Variants in TPP2 observed in about 807,000 individuals in gnomAD.
The protein encoded by TPP2 is tripeptidyl peptidase 2, also known as tripeptidyl-peptidase 2.
TPP2 carries 34 observed loss-of-function variants against 155.9 expected under a neutral mutation model. That is an observed-to-expected ratio of 0.22 (90% CI 0.17 to 0.29). The LOEUF (loss-of-function observed/expected upper bound fraction) is 0.29. Among genes scored for constraint, TPP2 ranks in the 10% least tolerant of loss-of-function variants. The probability of loss-of-function intolerance (pLI) is 1.00; values close to 1 mark genes in which losing one functional copy is unlikely to be tolerated. For synonymous variants in TPP2, 510 were observed against 529.4 expected (o/e 0.96, Z 0.50); for missense variants, 1,028 against 1,522.3 (o/e 0.68, Z 5.40).
intron 27 of TPP2, among the ~76,000 whole-genome samples, chr13:102,668,157 C>T (rs933272540): frequency 5.9e-5 from 9 of 152,238 alleles, no homozygotes; most frequent in African/African-American, 2.2e-4. Flanking sequence ...CAGGAGTAAA[C>T]AAATTTATCT....
intron 7 of TPP2, 75 bp from the exon 8 acceptor site, chr13:102,627,773 T>G: frequency 9.7e-7 from 1 of 1,027,842 alleles, no homozygotes; most frequent in South Asian, 1.4e-5. Flanking sequence ...TAGGATTATA[T>G]ATATGCCCTT....
intron 23 of TPP2, 122 bp from the exon 24 acceptor site, chr13:102,651,237 T>G: frequency 3.9e-6 from 4 of 1,032,088 alleles, no homozygotes; most frequent in Non-Finnish European, 4.1e-6. Context: ...ATCACAGACC[T>G]GAGCCTTCTA....
At chr13:102,598,181 G>A (rs1014670865) in intron 1 of TPP2, among the ~76,000 whole-genome samples, 1 of 152,098 alleles carries the variant, frequency 6.6e-6, no homozygotes, top group Non-Finnish European at 1.5e-5. Context: ...CTGAAATCCA[G>A]TAATAAAATT....
At chr13:102,652,202 C>T (rs1433782725) in intron 24 of TPP2, among the ~76,000 whole-genome samples, 2 of 151,848 alleles carry the variant, frequency 1.3e-5, no homozygotes. Context: ...ATGGTGAAAC[C>T]CTGTCTCTAC....
In TPP2 at chr13:102,614,041, G is replaced by GT. The variant is rs2139437470; in HGVS notation, c.295-59dup. 8.2e-6 allele frequency: 12 copies of GT among 1,455,314 alleles called. No homozygotes were observed. The South Asian group carries it at 1.2e-4, about 14-fold the overall frequency. 90.2% of individuals were successfully genotyped at this position (1,455,314 alleles called of 1,614,324 possible). A position where few individuals can be genotyped will look rare whatever the true frequency, so the allele number is the denominator to read the frequency against. On this transcript the variant is annotated intron_variant, in intron 2 of 29. Transcript: ENST00000376052. ...GTAATATACTTTTTTGCTCAGTAGTGTATCATTGGAATTGGAAAGCATTTA... is the reference window on the plus strand; with the variant it reads ...GTAATATACTTTTTTGCTCAGTAGTGTTATCATTGGAATTGGAAAGCATTTA...
At chr13:102,666,766 C>CTCTTT (rs1216225768) in intron 27 of TPP2, among the ~76,000 whole-genome samples, 1 of 55,732 alleles carries the variant, frequency 1.8e-5, no homozygotes, top group African/African-American at 7.7e-5. Flanking sequence ...TTTTTAATCT[C>CTCTTT]TTTTTTTTTT....
At chr13:102,630,284 G>T in intron 10 of TPP2, 89 bp downstream of exon 10, 8 of 907,498 alleles carry the variant, frequency 8.8e-6, no homozygotes, top group East Asian at 5.5e-5. Context: ...AAGTTTGCTA[G>T]TTTTTTTCTG....
intron 27 of TPP2, among the ~76,000 whole-genome samples, chr13:102,666,711 A>C (rs541154825): frequency 4.0e-5 from 6 of 151,282 alleles, no homozygotes; most frequent in African/African-American, 1.2e-4. Flanking sequence ...TGAGCCATAA[A>C]CTAATACGAT....
intron 9 of TPP2, 133 bp from the exon 10 acceptor site, chr13:102,629,963 A>C (rs1274174124): frequency 1.4e-6 from 1 of 716,484 alleles, no homozygotes; most frequent in Non-Finnish European, 2.2e-6. Flanking sequence ...TTTCCTTATT[A>C]AATTTTATTC....
intron 1 of TPP2, 84 bp downstream of exon 1, chr13:102,597,287 C>A: frequency 1.3e-6 from 1 of 794,134 alleles, no homozygotes; most frequent in Non-Finnish European, 1.7e-6. Context: ...GCCCGGCAGG[C>A]CAAAGCCCCG....
At position 102,597,047 on chromosome 13, in the gene TPP2, C is replaced by G. The variant is rs775866998; in HGVS notation, c.9C>G (p.Thr3=). 6.2e-7 allele frequency: 1 copy of G among 1,611,684 alleles called. No homozygotes were observed. Among genetic ancestry groups the G allele is most frequent in the Non-Finnish European group, 8.5e-7 (1 of 1,179,404 alleles). ...TCCTCCATCCTGCGTCCATGGCCAC[C>G]GCTGCGACTGAGGAGCCCTTCCCTT... MA[T]AATEEPFPFH... The change falls in exon 1 of 30, where the codon ACC becomes ACG. Residue 3 remains threonine, a synonymous_variant. Coordinates refer to ENST00000376052, the MANE Select transcript of TPP2 (RefSeq NM_001330588.2).
Position 102,636,345 on chromosome 13 carries a change from C to A in TPP2, c.1631C>A (p.Pro544His). ...YLRDPVQVAA[P>H]SDHGVGIEPV... ...CGAGATCCTGTTCAGGTGGCTGCACCTTCAGATCATGGCGTTGGCATTGAA... is the reference window on the plus strand; with the variant it reads ...CGAGATCCTGTTCAGGTGGCTGCACATTCAGATCATGGCGTTGGCATTGAA... The change falls in exon 13 of 30, where the codon CCT becomes CAT. Residue 544 changes from proline to histidine, a missense_variant. This residue lies in a region of TPP2 where 325 missense variants were observed against 463.7 expected (regional missense o/e 0.70). Coordinates refer to ENST00000376052, the MANE Select transcript of TPP2 (RefSeq NM_001330588.2). 1 of 1,613,278 alleles carries A rather than the reference C, an allele frequency of 6.2e-7. No individual in the cohort carries two copies. The highest frequency in any genetic ancestry group is 8.5e-7 in the Non-Finnish European group (1 of 1,179,812).
chr13:102,667,889 C>T (rs909081843), intron 27 of TPP2: 1 of 941,898 alleles, frequency 1.1e-6, no homozygotes, highest in Non-Finnish European at 1.3e-6. Flanking sequence ...CACAGGTATC[C>T]AGTGAAAGAG....
intron 7 of TPP2, 81 bp from the exon 8 acceptor site, chr13:102,627,767 A>T: frequency 2.0e-6 from 2 of 976,574 alleles, no homozygotes; most frequent in South Asian, 2.9e-5. Context: ...AAACTATAGG[A>T]TTATATATAT....
rs767357465 is a variant in TPP2, at chr13:102,644,978, A to G, written c.2362A>G (p.Ile788Val). Residue 788 changes from isoleucine to valine, a missense_variant, in exon 19 of 30, where the codon ATA (isoleucine) becomes GTA (valine). Ile to Val is a conservative substitution (Grantham distance 29). Transcript: ENST00000376052. ...GAAATACGAAGATCTGGCTCCCTGC[A>G]TAACTTTGAAGAACTGGGTCCAAAC... ...SLKYEDLAPC[I>V]TLKNWVQTLR... 1 of 1,614,084 alleles carries G rather than the reference A, an allele frequency of 6.2e-7. No individual in the cohort carries two copies. The highest frequency in any genetic ancestry group is 8.5e-7 in the Non-Finnish European group (1 of 1,179,970).
At chr13:102,621,950 T>A (rs1281475590) in intron 5 of TPP2, among the ~76,000 whole-genome samples, 1 of 152,242 alleles carries the variant, frequency 6.6e-6, no homozygotes, top group Admixed American at 6.5e-5. Context: ...TGCTCTTTGC[T>A]TCATTTTCTC....
At chr13:102,597,945 G>A (rs912484975) in intron 1 of TPP2, among the ~76,000 whole-genome samples, 1 of 151,112 alleles carries the variant, frequency 6.6e-6, no homozygotes, top group African/African-American at 2.4e-5. Flanking sequence ...GTTTGGTTTT[G>A]GCGAGCTTCT....
chr13:102,612,574 C>T (rs1473035481), intron 2 of TPP2, among the ~76,000 whole-genome samples: 1 of 152,056 alleles, frequency 6.6e-6, no homozygotes, highest in Non-Finnish European at 1.5e-5. Context: ...TCATAATTGC[C>T]TCATAAAGTT....
chr13:102,598,437 G>T (rs540432663), intron 1 of TPP2, among the ~76,000 whole-genome samples: 8 of 152,194 alleles, frequency 5.3e-5, no homozygotes, highest in Non-Finnish European at 1.2e-4. Context: ...TTGATTCCTG[G>T]TGTGTGTTCT....
Sources: allele counts gnomAD v4.1 joint callset (sites outside exome capture counted in the v4.1 genomes callset), GRCh38; gene constraint gnomAD v4.1.1; regional missense constraint gnomAD v4.1.1; transcripts MANE v1.5; gene names NCBI Gene and HGNC (gene_info 2026-07-23, HGNC 2026-07-21).